Variants in NLGN1 observed in about 807,000 individuals in gnomAD.
NLGN1 encodes the protein neuroligin-1.
In NLGN1, 12 loss-of-function variants were observed where a neutral mutation model predicts 65.5. The ratio of observed to expected loss-of-function variants is 0.18; its 90% CI spans 0.12 to 0.30. The LOEUF is 0.30. Among genes scored for constraint, NLGN1 ranks in the 10% least tolerant of loss-of-function variants. The pLI, the probability that NLGN1 is intolerant of heterozygous loss-of-function variation, is 1.00. For synonymous variants in NLGN1, 350 were observed against 359.5 expected (o/e 0.97, Z 0.30); for missense variants, 750 against 1,007.1 (o/e 0.74, Z 3.46).
intron 3 of NLGN1, among the ~76,000 whole-genome samples, chr3:173,780,066 T>C (rs1204954742): frequency 6.6e-6 from 1 of 152,194 alleles, no homozygotes; most frequent in African/African-American, 2.4e-5. Flanking sequence ...CATAAAAAGC[T>C]ATACATTTTC....
intron 4 of NLGN1, among the ~76,000 whole-genome samples, chr3:174,115,487 T>C (rs1402182258): frequency 6.6e-6 from 1 of 152,204 alleles, no homozygotes; most frequent in Non-Finnish European, 1.5e-5. Flanking sequence ...TTTTGTCATG[T>C]GTTACACAGA....
At chr3:173,760,327 A>G (rs1254197775) in intron 3 of NLGN1, among the ~76,000 whole-genome samples, 1 of 151,970 alleles carries the variant, frequency 6.6e-6, no homozygotes, top group Non-Finnish European at 1.5e-5. Context: ...TTAGAAATTT[A>G]TGACATGGTT....
intron 2 of NLGN1, among the ~76,000 whole-genome samples, chr3:173,491,682 T>C (rs1729186675): frequency 6.6e-6 from 1 of 151,798 alleles, no homozygotes; most frequent in African/African-American, 2.4e-5. Context: ...GTCATGTTTG[T>C]GCTAGGCTTC....
chr3:173,914,975 T>G (rs1290498465), intron 4 of NLGN1: 3 of 152,178 alleles, frequency 2.0e-5, no homozygotes, highest in African/African-American at 4.8e-5. Flanking sequence ...ATCCTTGCGG[T>G]TTTTAAAACA....
intron 2 of NLGN1, among the ~76,000 whole-genome samples, chr3:173,563,049 G>C (rs2149304190): frequency 6.6e-6 from 1 of 152,318 alleles, no homozygotes; most frequent in East Asian, 1.9e-4. Context: ...GGATTCCACT[G>C]TTTGAATTAG....
At chr3:173,526,866 C>T (rs1477991758) in intron 2 of NLGN1, among the ~76,000 whole-genome samples, 1 of 152,188 alleles carries the variant, frequency 6.6e-6, no homozygotes, top group Admixed American at 6.5e-5. Flanking sequence ...CTGTACCTGG[C>T]TTATTTCACT....
Position 174,239,910 on chromosome 3 carries a change from C to T in NLGN1, c.647-35405C>T, listed in dbSNP as rs575122725. ...ATATTTTTCCTTTTAAAAATATTAT[C>T]CAGCAAAAACAATGGATTATCTTAG... On this transcript the variant is annotated intron_variant, in intron 4 of 6. Coordinates refer to ENST00000457714, the Ensembl canonical transcript of NLGN1. Among the ~76,000 whole-genome samples, 19 of 152,032 alleles carry T rather than the reference C, an allele frequency of 1.2e-4. No individual in the cohort carries two copies. The South Asian group carries it at 3.5e-3, about 28-fold the overall frequency.
At chr3:174,054,595 T>C (rs928967326) in intron 4 of NLGN1, among the ~76,000 whole-genome samples, 1 of 151,982 alleles carries the variant, frequency 6.6e-6, no homozygotes, top group African/African-American at 2.4e-5. Flanking sequence ...GATTTGCTTT[T>C]GTTTGTTTGA....
intron 4 of NLGN1, among the ~76,000 whole-genome samples, chr3:173,937,330 A>G (rs75459329): frequency 1.1e-3 from 166 of 152,186 alleles, no homozygotes; most frequent in African/African-American, 3.9e-3. Flanking sequence ...TCACCCATCA[A>G]TGAGAGGTGT....
At chr3:173,944,058 A>G (rs1330711029) in intron 4 of NLGN1, among the ~76,000 whole-genome samples, 1 of 151,980 alleles carries the variant, frequency 6.6e-6, no homozygotes, top group East Asian at 1.9e-4. Flanking sequence ...TACAAAAACA[A>G]GGAACTGAAA....
intron 3 of NLGN1, among the ~76,000 whole-genome samples, chr3:173,680,107 T>C (rs983964903): frequency 3.9e-5 from 6 of 152,080 alleles, no homozygotes; most frequent in Admixed American, 1.3e-4. Context: ...GAAAAGAAGA[T>C]GAGGGTAGAA....
At chr3:174,221,040 C>T (rs929638959) in intron 4 of NLGN1, among the ~76,000 whole-genome samples, 10 of 152,118 alleles carry the variant, frequency 6.6e-5, no homozygotes, top group Non-Finnish European at 1.3e-4. Context: ...ATTAGAACTG[C>T]AGGGAGTTGG....
In NLGN1 at chr3:173,963,959, A is replaced by G. The variant is rs542384813; in HGVS notation, c.646+156127A>G. Among the ~76,000 whole-genome samples, 5 of 152,222 alleles carry G rather than the reference A, an allele frequency of 3.3e-5. No individual in the cohort carries two copies. The East Asian group carries it at 7.7e-4, about 24-fold the overall frequency. Reference sequence around the variant, plus strand: ...AGGTCGGTAGCTAGAAATCAAGAAAACAGTTTTATCAGAGAGACTACAACA... The same window carrying G: ...AGGTCGGTAGCTAGAAATCAAGAAAGCAGTTTTATCAGAGAGACTACAACA... On this transcript the variant is annotated intron_variant, in intron 4 of 6. Coordinates refer to ENST00000457714, the Ensembl canonical transcript of NLGN1.
chr3:173,914,639 G>A lies in NLGN1; in HGVS notation c.646+106807G>A, dbSNP rs573936639. Among the ~76,000 whole-genome samples, 3 of 152,248 alleles carry A rather than the reference G, an allele frequency of 2.0e-5. No individual in the cohort carries two copies. In the South Asian group the frequency reaches 6.2e-4, roughly 32 times the overall value. ...AGAGAATTCGTAGAGTATGTGTGTGGTGGCAGGGGATGGGGTTACTATGTA... is the reference window on the plus strand; with the variant it reads ...AGAGAATTCGTAGAGTATGTGTGTGATGGCAGGGGATGGGGTTACTATGTA... On this transcript the variant is annotated intron_variant, in intron 4 of 6. Transcript: ENST00000457714.
intron 3 of NLGN1, among the ~76,000 whole-genome samples, chr3:173,745,216 C>T (rs1288788064): frequency 6.6e-6 from 1 of 151,982 alleles, no homozygotes; most frequent in African/African-American, 2.4e-5. Context: ...GACTAATGTC[C>T]TCATTACAGA....
chr3:174,280,687 T>C lies in NLGN1; in HGVS notation c.1856T>C (p.Ile619Thr). The change falls in exon 7 of 7, where the codon ATT becomes ACT. Residue 619 changes from isoleucine (I) to threonine (T), a missense_variant. Transcript: ENST00000457714. The surrounding 1 kb of genome is among the most constrained non-coding windows in gnomAD (Gnocchi z 4.9). ...CCTCATCTGCATAATCTCAATGACA[T>C]TTCTCAGTATACCTCTACAACAACT... is the stretch of plus-strand genomic sequence containing the variant. 2 of 1,613,366 alleles carry C rather than the reference T, an allele frequency of 1.2e-6. No homozygotes were observed. Among genetic ancestry groups the C allele is most frequent in the Non-Finnish European group, 1.7e-6 (2 of 1,179,558 alleles).
At chr3:174,175,220 A>G (rs1729224170) in intron 4 of NLGN1, among the ~76,000 whole-genome samples, 1 of 151,878 alleles carries the variant, frequency 6.6e-6, no homozygotes. Flanking sequence ...GATCTGTCCA[A>G]TGATGAATGC....
chr3:173,949,255 A>C (rs1747750452), intron 4 of NLGN1, among the ~76,000 whole-genome samples: 1 of 152,174 alleles, frequency 6.6e-6, no homozygotes, highest in Admixed American at 6.5e-5. Context: ...TTAATATTTC[A>C]ATAATTGGCT....
At chr3:173,632,849 G>GTTTTTTTTTTTTTTTTT (rs5854526) in intron 3 of NLGN1, among the ~76,000 whole-genome samples, 2 of 116,402 alleles carry the variant, frequency 1.7e-5, no homozygotes, top group Non-Finnish European at 1.8e-5. Flanking sequence ...TTTTTTTTTT[G>GTTTTTTTTTTTTTTTTT]TTTTTTTTTT....
Sources: gnomAD v4.1 joint callset for allele counts (sites outside exome capture counted in the v4.1 genomes callset) on GRCh38, gnomAD v4.1.1 for gene constraint, Gnocchi (gnomAD v3.1) non-coding constraint, MANE v1.5 for transcripts, NCBI Gene and HGNC (gene_info 2026-07-23, HGNC 2026-07-21) for gene names.